Variants in FBN2 observed in about 807,000 individuals in gnomAD.
The protein encoded by FBN2 is fibrillin-2.
A neutral mutation model predicts 355.6 loss-of-function variants in FBN2; 105 were observed. That is an observed-to-expected ratio of 0.30 (90% CI 0.25 to 0.35). The LOEUF (loss-of-function observed/expected upper bound fraction) is 0.35. Among genes scored for constraint, FBN2 ranks in the 10% least tolerant of loss-of-function variants. The probability of loss-of-function intolerance (pLI) is 1.00; values close to 1 mark genes in which losing one functional copy is unlikely to be tolerated. For missense variants in FBN2, 3,280 were observed against 3,758.7 expected, an observed-to-expected ratio of 0.87 and a Z score of 3.33; for synonymous variants, 1,350 against 1,301.2, an observed-to-expected ratio of 1.04 and a Z score of -0.81.
At chr5:128,377,046 A>G (rs1321286392) in intron 13 of FBN2, among the ~76,000 whole-genome samples, 193 bp from the exon 14 acceptor site, 1 of 152,184 alleles carries the variant, frequency 6.6e-6, no homozygotes, top group Non-Finnish European at 1.5e-5. Context: ...CCTTCAGTAT[A>G]TGGATATAAA....
At chr5:128,385,746 A>G (rs1561430621) in intron 11 of FBN2, among the ~76,000 whole-genome samples, 1 of 152,156 alleles carries the variant, frequency 6.6e-6, no homozygotes, top group Non-Finnish European at 1.5e-5. Context: ...CTGGTATAAT[A>G]TGGTATCTCA....
In FBN2 at chr5:128,290,738, C is replaced by T. The variant is rs370650204; in HGVS notation, c.6439G>A (p.Asp2147Asn). 34 of 1,613,996 alleles carry T rather than the reference C, an allele frequency of 2.1e-5. No individual in the cohort carries two copies. Among genetic ancestry groups the T allele is most frequent in the African/African-American group, 1.3e-4 (10 of 74,930 alleles). ...GDPCELCPKD[D>N]EVAFQDLCPY... ...ATGATGTCATTGCTCTTACCTTCAT[C>T]GTCTTTGGGGCACAGCTCACAGGGG... The change falls in exon 50 of 65, where the codon GAT (aspartate) becomes AAT (asparagine). Residue 2147 changes from aspartate (D) to asparagine (N), a missense_variant. Coordinates refer to ENST00000262464, the MANE Select transcript of FBN2 (RefSeq NM_001999.4).
chr5:128,351,226 A>G (rs1425201528), intron 20 of FBN2, among the ~76,000 whole-genome samples: 3 of 8,284 alleles, frequency 3.6e-4, no homozygotes, highest in East Asian at 0.056. Flanking sequence ...CACCAGAGGA[A>G]AAAAAAAAAA....
chr5:128,448,546 A>G (rs1169907406), intron 6 of FBN2, among the ~76,000 whole-genome samples: 10 of 151,962 alleles, frequency 6.6e-5, no homozygotes, highest in Non-Finnish European at 1.3e-4. Context: ...ACCTCAGATG[A>G]TCTGCCCGCC....
intron 5 of FBN2, among the ~76,000 whole-genome samples, chr5:128,488,372 T>G (rs1755399852): frequency 6.6e-6 from 1 of 152,204 alleles, no homozygotes; most frequent in South Asian, 2.1e-4. Context: ...ATCTATCGTG[T>G]ATCTTATGGT....
At chr5:128,289,297 T>C in intron 51 of FBN2, 45 bp from the exon 52 acceptor site, 1 of 1,609,778 alleles carries the variant, frequency 6.2e-7, no homozygotes, top group South Asian at 1.1e-5. Context: ...TAAAAAGATA[T>C]GCCGGCCAGG....
intron 7 of FBN2, among the ~76,000 whole-genome samples, chr5:128,435,128 A>T (rs1298643460): frequency 6.6e-6 from 1 of 152,122 alleles, no homozygotes; most frequent in African/African-American, 2.4e-5. Flanking sequence ...TTTCCTGACC[A>T]CTGTCTTATG....
chr5:128,365,525 A>T, intron 17 of FBN2: 1 of 152,052 alleles, frequency 6.6e-6, no homozygotes, highest in Non-Finnish European at 1.5e-5. Context: ...ACTTGGGAAA[A>T]ACATCCTTTT....
At chr5:128,361,256 T>C (rs1425114477) in intron 19 of FBN2, among the ~76,000 whole-genome samples, 1 of 152,236 alleles carries the variant, frequency 6.6e-6, no homozygotes, top group African/African-American at 2.4e-5. Context: ...ATTAAAGTTA[T>C]CATTTTTACT....
intron 48 of FBN2, among the ~76,000 whole-genome samples, chr5:128,295,948 A>G (rs1179104994): frequency 6.8e-6 from 1 of 146,662 alleles, no homozygotes; most frequent in Non-Finnish European, 1.5e-5. Flanking sequence ...GTTTTTGCCC[A>G]TTCAGTATGA....
intron 37 of FBN2, 118 bp downstream of exon 37, chr5:128,312,516 A>C: frequency 3.8e-6 from 4 of 1,064,042 alleles, no homozygotes; most frequent in Non-Finnish European, 5.6e-6. Flanking sequence ...AGTAGTTCAA[A>C]TTCAGTTTTT....
rs79594989 is a variant in FBN2 at position 128,496,575 on chromosome 5, G to T, written c.628+22698C>A. ...TATTTAATGGTGAAATACTTGTTACGTTCCGCGTAAGATCAGACTAGGACA... is the reference window on the plus strand; with the variant it reads ...TATTTAATGGTGAAATACTTGTTACTTTCCGCGTAAGATCAGACTAGGACA... On this transcript the variant is annotated intron_variant, in intron 5 of 64. Transcript: ENST00000262464. Among the ~76,000 whole-genome samples, 399 of 152,062 alleles carry T rather than the reference G, an allele frequency of 2.6e-3. 8 individuals carry two copies. The East Asian group carries it at 0.059, about 22-fold the overall frequency.
intron 32 of FBN2, among the ~76,000 whole-genome samples, chr5:128,332,462 A>C (rs1478697056): frequency 6.6e-6 from 1 of 152,192 alleles, no homozygotes. Flanking sequence ...GAATGCAAGA[A>C]AGCATTTACA....
intron 62 of FBN2, among the ~76,000 whole-genome samples, chr5:128,265,064 A>G (rs1765085708): frequency 6.6e-6 from 1 of 152,258 alleles, no homozygotes; most frequent in African/African-American, 2.4e-5. Context: ...CTTAGCCTTT[A>G]TGGCAGGGGA....
intron 5 of FBN2, among the ~76,000 whole-genome samples, chr5:128,514,563 G>A (rs1756229275): frequency 6.6e-6 from 1 of 152,016 alleles, no homozygotes; most frequent in Non-Finnish European, 1.5e-5. Context: ...AATATTGGAT[G>A]AATAAATATT....
At chr5:128,335,611 T>C in intron 28 of FBN2, 34 bp from the exon 29 acceptor site, 1 of 1,613,770 alleles carries the variant, frequency 6.2e-7, no homozygotes, top group African/African-American at 1.3e-5. Context: ...CATTGTCAGG[T>C]CTGCTTCCTT....
chr5:128,389,675 C>T (rs1752460800), intron 11 of FBN2, among the ~76,000 whole-genome samples: 1 of 152,218 alleles, frequency 6.6e-6, no homozygotes, highest in Non-Finnish European at 1.5e-5. Context: ...TGCCCCCTAT[C>T]CAAGCAGCTC....
chr5:128,405,794 T>C (rs193079240), intron 8 of FBN2, among the ~76,000 whole-genome samples: 6 of 152,332 alleles, frequency 3.9e-5, no homozygotes, highest in African/African-American at 9.6e-5. Flanking sequence ...TTACTCCACA[T>C]TGATTACCAA....
intron 24 of FBN2, 49 bp downstream of exon 24, chr5:128,345,308 G>A (rs1289120096): frequency 5.7e-6 from 8 of 1,403,916 alleles, no homozygotes; most frequent in African/African-American, 1.4e-5. Flanking sequence ...GAATGTGGAA[G>A]GCTTCCTGTT....
Sources: gnomAD v4.1 joint callset for allele counts (sites outside exome capture counted in the v4.1 genomes callset) on GRCh38, gnomAD v4.1.1 for gene constraint, MANE v1.5 for transcripts, NCBI Gene and HGNC (gene_info 2026-07-23, HGNC 2026-07-21) for gene names.